Variants in HYCC1 observed in about 807,000 individuals in gnomAD.
HYCC1 encodes hyccin PI4KA lipid kinase complex subunit 1.
chr7:22,932,228 G>T, the HYCC1 span, among the ~76,000 whole-genome samples: 1 of 152,164 alleles, frequency 6.6e-6, no homozygotes, highest in African/African-American at 2.4e-5. Flanking sequence ...GAAGCAGACA[G>T]GTTTTTGAGG....
chr7:22,982,123 G>A, the HYCC1 span, among the ~76,000 whole-genome samples: 1 of 151,982 alleles, frequency 6.6e-6, no homozygotes, highest in Non-Finnish European at 1.5e-5. Flanking sequence ...AAAACATAAA[G>A]CGTATGGCTA....
At chr7:22,964,733 G>A in the HYCC1 span, among the ~76,000 whole-genome samples, 1 of 152,134 alleles carries the variant, frequency 6.6e-6, no homozygotes, top group Non-Finnish European at 1.5e-5. Flanking sequence ...TAAAGCTGAG[G>A]TATGTTGATA....
the HYCC1 span, among the ~76,000 whole-genome samples, chr7:22,962,609 T>C: frequency 2.6e-5 from 4 of 151,036 alleles, no homozygotes; most frequent in Admixed American, 2.0e-4. Flanking sequence ...AACCTCTCAT[T>C]CTATGCTGAG....
chr7:23,013,756 C>T, the HYCC1 span, among the ~76,000 whole-genome samples: 444 of 151,790 alleles, frequency 2.9e-3, 2 homozygotes, highest in African/African-American at 9.7e-3. Flanking sequence ...TCGCACCCAC[C>T]CATGGCGCCT....
the HYCC1 span, among the ~76,000 whole-genome samples, chr7:22,986,518 G>A: frequency 1.3e-5 from 2 of 152,212 alleles, no homozygotes; most frequent in South Asian, 4.1e-4. Flanking sequence ...GAGTTGAAAA[G>A]CACCTAATGG....
the HYCC1 span, among the ~76,000 whole-genome samples, chr7:22,897,319 A>G: frequency 1.3e-5 from 2 of 152,194 alleles, no homozygotes; most frequent in Admixed American, 1.3e-4. Context: ...GTGACAGGAA[A>G]CAACTGGAGA....
At chr7:22,897,507 G>A in the HYCC1 span, among the ~76,000 whole-genome samples, 3 of 152,218 alleles carry the variant, frequency 2.0e-5, no homozygotes, top group Non-Finnish European at 4.4e-5. Context: ...ACTAATCTAT[G>A]AGGGTAACAG....
chr7:22,983,661 G>C, the HYCC1 span: 1 of 375,028 alleles, frequency 2.7e-6, no homozygotes, highest in Non-Finnish European at 4.9e-6. Flanking sequence ...GCTCATAATG[G>C]GCACTCAAAT....
chr7:22,952,242 T>C, the HYCC1 span, among the ~76,000 whole-genome samples: 4 of 151,760 alleles, frequency 2.6e-5, no homozygotes. Context: ...AAAAATAAGA[T>C]GGGAAAGAGG....
At chr7:22,953,156 A>G in the HYCC1 span, among the ~76,000 whole-genome samples, 1 of 151,908 alleles carries the variant, frequency 6.6e-6, no homozygotes, top group African/African-American at 2.4e-5. Flanking sequence ...TCCAATAGAG[A>G]ATTGCAACAT....
At chr7:22,926,424 TA>T in the HYCC1 span, among the ~76,000 whole-genome samples, 1 of 152,278 alleles carries the variant, frequency 6.6e-6, no homozygotes, top group East Asian at 1.9e-4. Context: ...CAGTGTGTTG[TA>T]TTCAGGAAAC....
the HYCC1 span, among the ~76,000 whole-genome samples, chr7:23,003,768 A>G: frequency 2.0e-3 from 302 of 152,308 alleles, 1 homozygote; most frequent in African/African-American, 6.7e-3. Context: ...AGGTCTGCCA[A>G]TAGAGGCTCA....
chr7:22,927,432 T>C, the HYCC1 span, among the ~76,000 whole-genome samples: 5 of 152,090 alleles, frequency 3.3e-5, no homozygotes, highest in African/African-American at 7.2e-5. Flanking sequence ...ATTGATAGAC[T>C]GCTAGCAAGA....
chr7:22,898,896 C>G, the HYCC1 span, among the ~76,000 whole-genome samples: 13 of 152,328 alleles, frequency 8.5e-5, no homozygotes, highest in Middle Eastern at 3.4e-3. Flanking sequence ...CCACCCCGCC[C>G]GGCTGGTCCG....
the HYCC1 span, among the ~76,000 whole-genome samples, chr7:22,987,485 T>G: frequency 6.6e-6 from 1 of 152,116 alleles, no homozygotes; most frequent in Non-Finnish European, 1.5e-5. Flanking sequence ...GAGGTGGAGG[T>G]TGCAGTGAGC....
the HYCC1 span, among the ~76,000 whole-genome samples, chr7:22,970,300 A>T: frequency 2.0e-5 from 3 of 147,954 alleles, no homozygotes; most frequent in African/African-American, 7.4e-5. Context: ...AAGATTTTTT[A>T]AAAGTAAAAA....
the HYCC1 span, among the ~76,000 whole-genome samples, chr7:22,958,409 T>C: frequency 6.6e-6 from 1 of 152,142 alleles, no homozygotes; most frequent in East Asian, 1.9e-4. Flanking sequence ...TTACTTTTTA[T>C]AGTTCATTCA....
At chr7:22,980,857 A>G in the HYCC1 span, among the ~76,000 whole-genome samples, 1 of 152,316 alleles carries the variant, frequency 6.6e-6, no homozygotes, top group Middle Eastern at 3.4e-3. Flanking sequence ...CTCTACTCAT[A>G]GGCCTGTCTC....
chr7:22,992,427 T>C, the HYCC1 span, among the ~76,000 whole-genome samples: 6 of 152,086 alleles, frequency 3.9e-5, no homozygotes, highest in African/African-American at 1.4e-4. Context: ...TTTATAGAAC[T>C]GTCTGTTTGG....
Sources: gnomAD v4.1 joint callset for allele counts (sites outside exome capture counted in the v4.1 genomes callset) on GRCh38, gnomAD v4.1.1 for gene constraint, MANE v1.5 for transcripts, NCBI Gene and HGNC (gene_info 2026-07-23, HGNC 2026-07-21) for gene names.